Variants in AKAP14 observed in about 807,000 individuals in gnomAD.
AKAP14 encodes A-kinase anchoring protein 14.
AKAP14 carries 4 observed loss-of-function variants against 17.0 expected under a neutral mutation model. The observed-to-expected ratio is 0.23, with a 90% confidence interval of 0.12 to 0.54. AKAP14 has a LOEUF of 0.54. Ranked by LOEUF, AKAP14 falls within the 20% of genes least tolerant of loss-of-function variation. The probability of loss-of-function intolerance (pLI) is 0.95; values close to 1 mark genes in which losing one functional copy is unlikely to be tolerated. For synonymous variants in AKAP14, 42 were observed against 51.3 expected (o/e 0.82, Z 0.77); for missense variants, 129 against 150.9 (o/e 0.85, Z 0.76).
At chrX:119,897,450 C>T (rs546196388) in intron 2 of AKAP14, among the ~76,000 whole-genome samples, 120 of 112,028 alleles carry the variant, frequency 1.1e-3, no homozygotes, top group African/African-American at 3.5e-3. Flanking sequence ...TGAGCCACTG[C>T]GCCCGGCCCA....
In AKAP14 at chrX:119,915,012, G is replaced by A. The variant is rs746886106; in HGVS notation, c.441+134G>A. The A allele has an allele frequency of 6.0e-5, 38 of 635,263 alleles. No individual in the cohort carries two copies. In the Admixed American group the frequency reaches 1.0e-3, roughly 17 times the overall value. 52.4% of individuals were successfully genotyped at this position (635,263 alleles called of 1,213,427 possible). A position where few individuals can be genotyped will look rare whatever the true frequency, so the allele number is the denominator to read the frequency against. On this transcript the variant is annotated intron_variant, in intron 5 of 6. Coordinates refer to ENST00000371431, the MANE Select transcript of AKAP14 (RefSeq NM_178813.6). Reference sequence around the variant, plus strand: ...GTCCTCATCTTACTGGCCTATGCACGGCACTTGCCAAAACTGATCACTCCC... The same window carrying A: ...GTCCTCATCTTACTGGCCTATGCACAGCACTTGCCAAAACTGATCACTCCC...
chrX:119,898,101 T>G (rs772159974), intron 2 of AKAP14, among the ~76,000 whole-genome samples: 1 of 112,223 alleles, frequency 8.9e-6, no homozygotes, highest in Non-Finnish European at 1.9e-5. Context: ...AGGCGGACGT[T>G]GCAGTGAGCC....
At chrX:119,897,008 C>T (rs1243069201) in intron 2 of AKAP14, among the ~76,000 whole-genome samples, 1 of 109,280 alleles carries the variant, frequency 9.2e-6, no homozygotes, top group Non-Finnish European at 1.9e-5. Context: ...CGGGATTTTG[C>T]CATGTTGGCC....
At chrX:119,900,645 A>G (rs887159459) in intron 2 of AKAP14, among the ~76,000 whole-genome samples, 2 of 111,382 alleles carry the variant, frequency 1.8e-5, no homozygotes, top group African/African-American at 6.5e-5. Flanking sequence ...TGATCCTCCT[A>G]CATCAGCCTT....
In AKAP14 at chrX:119,898,665, C is replaced by T. The variant is rs1201500365; in HGVS notation, c.-11+2398C>T. ...AACAAAAACTAGCCGGGCATGGTGG[C>T]GGACACCTGTAATCCCAGCTACTTG... On this transcript the variant is annotated intron_variant, in intron 2 of 6. Coordinates refer to ENST00000371431, the MANE Select transcript of AKAP14 (RefSeq NM_178813.6). 2.8e-5 allele frequency among the ~76,000 whole-genome samples: 3 copies of T among 107,933 alleles called. No homozygotes were observed. In the East Asian group the frequency reaches 8.8e-4, roughly 32 times the overall value. 93.7% of individuals were successfully genotyped at this position (107,933 alleles called of 115,157 possible).
intron 5 of AKAP14, among the ~76,000 whole-genome samples, chrX:119,915,864 T>C (rs1287638344): frequency 2.7e-5 from 3 of 112,011 alleles, no homozygotes; most frequent in African/African-American, 9.7e-5. Flanking sequence ...CACCATCTTC[T>C]CTCACCAAGA....
intron 4 of AKAP14, among the ~76,000 whole-genome samples, chrX:119,906,484 C>T (rs1403194359): frequency 9.2e-6 from 1 of 108,599 alleles, no homozygotes; most frequent in Non-Finnish European, 1.9e-5. Flanking sequence ...CCGCCTGCCT[C>T]GGCCTCCCAA....
intron 5 of AKAP14, among the ~76,000 whole-genome samples, chrX:119,915,123 C>T (rs1375620639): frequency 9.0e-6 from 1 of 111,530 alleles, no homozygotes; most frequent in African/African-American, 3.3e-5. Flanking sequence ...CTTCACAGTC[C>T]GTCTCTACTG....
intron 5 of AKAP14, among the ~76,000 whole-genome samples, chrX:119,919,006 G>T (rs1265332702): frequency 9.0e-6 from 1 of 111,446 alleles, no homozygotes; most frequent in Non-Finnish European, 1.9e-5. Flanking sequence ...AATATGCGGA[G>T]ATCTTACTTC....
chrX:119,902,064 CT>C (rs566464151), intron 2 of AKAP14, among the ~76,000 whole-genome samples: 81 of 96,283 alleles, frequency 8.4e-4, no homozygotes, highest in Non-Finnish European at 9.7e-4. Flanking sequence ...TGTCTTTATA[CT>C]TTTTTTTTTT....
At chrX:119,918,225 T>TTTTTG (rs954531990) in intron 5 of AKAP14, among the ~76,000 whole-genome samples, 1 of 111,691 alleles carries the variant, frequency 9.0e-6, no homozygotes, top group Non-Finnish European at 1.9e-5. Flanking sequence ...TATATAATTG[T>TTTTTG]TTTTGTTTTG....
intron 5 of AKAP14, among the ~76,000 whole-genome samples, chrX:119,915,297 C>T (rs972188960): frequency 9.0e-6 from 1 of 111,558 alleles, no homozygotes; most frequent in African/African-American, 3.2e-5. Flanking sequence ...CTAGCACAGA[C>T]CCGTCCCACG....
At chrX:119,906,375 C>CA (rs2056597923) in intron 4 of AKAP14, among the ~76,000 whole-genome samples, 1 of 99,185 alleles carries the variant, frequency 1.0e-5, no homozygotes. Context: ...GCTGGGACTA[C>CA]AGGCGTGTGC....
At chrX:119,913,186 A>G (rs1336550813) in intron 4 of AKAP14, among the ~76,000 whole-genome samples, 1 of 111,039 alleles carries the variant, frequency 9.0e-6, no homozygotes, top group African/African-American at 3.3e-5. Context: ...TTTTAAAAAG[A>G]AAGGGGGAAG....
At chrX:119,904,321 T>C (rs927847300) in intron 4 of AKAP14, among the ~76,000 whole-genome samples, 1 of 112,262 alleles carries the variant, frequency 8.9e-6, no homozygotes, top group Non-Finnish European at 1.9e-5. Flanking sequence ...TTGGAATATA[T>C]TGCCTGCATA....
intron 5 of AKAP14, chrX:119,919,677 C>G (rs1053616327): frequency 9.8e-6 from 3 of 304,730 alleles, no homozygotes; most frequent in African/African-American, 8.1e-5. Context: ...AAAACTCCGT[C>G]TCTACTAAAA....
chrX:119,920,103 C>A, intron 6 of AKAP14, 140 bp downstream of exon 6: 1 of 581,989 alleles, frequency 1.7e-6, no homozygotes. Flanking sequence ...TTAGAATGGG[C>A]TGAAACTGTT....
intron 5 of AKAP14, among the ~76,000 whole-genome samples, chrX:119,915,992 T>C: frequency 9.0e-6 from 1 of 110,574 alleles, no homozygotes; most frequent in Non-Finnish European, 1.9e-5. Flanking sequence ...CTTTTTCTTT[T>C]TTTTTTTAAG....
intron 2 of AKAP14, among the ~76,000 whole-genome samples, chrX:119,897,229 G>T (rs1365379208): frequency 1.8e-5 from 2 of 108,189 alleles, no homozygotes; most frequent in Non-Finnish European, 3.8e-5. Flanking sequence ...GTGAGATCTT[G>T]GCTCACTGCA....
Sources: allele counts gnomAD v4.1 joint callset (sites outside exome capture counted in the v4.1 genomes callset), GRCh38; gene constraint gnomAD v4.1.1; transcripts MANE v1.5; gene names NCBI Gene and HGNC (gene_info 2026-07-23, HGNC 2026-07-21).